Variants in NLGN1 observed in about 807,000 individuals in gnomAD.
The protein encoded by NLGN1 is neuroligin 1.
NLGN1 carries 12 observed loss-of-function variants against 65.5 expected under a neutral mutation model. That is an observed-to-expected ratio of 0.18 (90% CI 0.12 to 0.30). NLGN1 has a LOEUF of 0.30. NLGN1 is among the 10% of genes least tolerant of loss of function. The pLI is 1.00. For synonymous variants in NLGN1, 350 were observed against 359.5 expected, an observed-to-expected ratio of 0.97 and a Z score of 0.30; for missense variants, 750 against 1,007.1, an observed-to-expected ratio of 0.74 and a Z score of 3.46.
intron 4 of NLGN1, among the ~76,000 whole-genome samples, chr3:174,080,493 A>G (rs1031942278): frequency 6.6e-6 from 1 of 152,146 alleles, no homozygotes; most frequent in Non-Finnish European, 1.5e-5. Context: ...ATGTTGGCAT[A>G]CTTTTGGGGT....
At position 173,652,008 on chromosome 3, in the gene NLGN1, G is replaced by A. The variant is rs537987593; in HGVS notation, c.493+46917G>A. Among the ~76,000 whole-genome samples, 7 of 152,210 alleles carry A rather than the reference G, an allele frequency of 4.6e-5. No individual in the cohort carries two copies. In the East Asian group the frequency reaches 5.8e-4, roughly 13 times the overall value. On this transcript the variant is annotated intron_variant, in intron 3 of 6. Coordinates refer to ENST00000457714, the Ensembl canonical transcript of NLGN1. ...GGGATTTCACCATGTTGGCCAGGCC[G>A]GTTTCAAACTCCTGACATCAAGTAA...
rs530302384 is a variant in NLGN1, at chr3:173,899,774, A to G, written c.646+91942A>G. Among the ~76,000 whole-genome samples, 153 of 152,212 alleles carry G rather than the reference A, an allele frequency of 1.0e-3. 3 individuals are homozygous for G. The South Asian group carries it at 0.023, about 23-fold the overall frequency. ...GCCTATGAAGCCTGAAATATTTGCTATCTGCTGCTTTACAGTGTAAGTTTG... is the reference window on the plus strand; with the variant it reads ...GCCTATGAAGCCTGAAATATTTGCTGTCTGCTGCTTTACAGTGTAAGTTTG... On this transcript the variant is annotated intron_variant, in intron 4 of 6. Coordinates refer to ENST00000457714, the Ensembl canonical transcript of NLGN1.
At chr3:174,252,227 G>A (rs1405441787) in intron 4 of NLGN1, among the ~76,000 whole-genome samples, 1 of 151,990 alleles carries the variant, frequency 6.6e-6, no homozygotes, top group Non-Finnish European at 1.5e-5. Flanking sequence ...ACCCCTACTT[G>A]TCTAAAATAG....
chr3:174,201,116 T>C (rs1222345399), intron 4 of NLGN1, among the ~76,000 whole-genome samples: 4 of 151,902 alleles, frequency 2.6e-5, no homozygotes, highest in Non-Finnish European at 5.9e-5. Context: ...CACACACCTG[T>C]AGGCCCAGCT....
At chr3:173,730,178 T>C (rs1772535957) in intron 3 of NLGN1, among the ~76,000 whole-genome samples, 1 of 151,314 alleles carries the variant, frequency 6.6e-6, no homozygotes, top group Non-Finnish European at 1.5e-5. Context: ...TATAAATTTA[T>C]CAATTATATT....
chr3:173,943,434 A>C (rs1037146683), intron 4 of NLGN1, among the ~76,000 whole-genome samples: 1 of 152,152 alleles, frequency 6.6e-6, no homozygotes, highest in African/African-American at 2.4e-5. Flanking sequence ...TCACCTAGAA[A>C]ACAAGTGAGT....
At chr3:173,995,410 A>AG (rs1056578431) in intron 4 of NLGN1, among the ~76,000 whole-genome samples, 3 of 152,172 alleles carry the variant, frequency 2.0e-5, no homozygotes, top group Admixed American at 2.0e-4. Context: ...AGCTGCATAA[A>AG]GGGGGAGTAA....
At chr3:173,729,525 C>A (rs1467466928) in intron 3 of NLGN1, among the ~76,000 whole-genome samples, 1 of 152,014 alleles carries the variant, frequency 6.6e-6, no homozygotes, top group Non-Finnish European at 1.5e-5. Flanking sequence ...CACACTTACA[C>A]AGATTTGAAG....
intron 4 of NLGN1, among the ~76,000 whole-genome samples, chr3:173,934,812 T>A (rs574747168): frequency 6.6e-6 from 1 of 152,166 alleles, no homozygotes; most frequent in Admixed American, 6.6e-5. Context: ...GTCACTCACA[T>A]GTCACTATTT....
At chr3:173,419,834 G>A (rs1018102629) in intron 1 of NLGN1, among the ~76,000 whole-genome samples, 13 of 151,908 alleles carry the variant, frequency 8.6e-5, no homozygotes, top group Admixed American at 2.0e-4. Flanking sequence ...TTAGCTGGGC[G>A]TGGTAGTGTG....
intron 4 of NLGN1, among the ~76,000 whole-genome samples, chr3:174,002,798 C>T (rs1485245621): frequency 6.6e-6 from 1 of 152,174 alleles, no homozygotes; most frequent in East Asian, 1.9e-4. Context: ...CAGACTGGTG[C>T]TGCTCCAATT....
chr3:174,140,073 T>A (rs1370309591), intron 4 of NLGN1, among the ~76,000 whole-genome samples: 2 of 152,204 alleles, frequency 1.3e-5, no homozygotes, highest in African/African-American at 4.8e-5. Flanking sequence ...CAGATGCTTT[T>A]CTTCTGTTGA....
At chr3:173,599,254 G>A (rs1410821631) in intron 2 of NLGN1, among the ~76,000 whole-genome samples, 1 of 152,040 alleles carries the variant, frequency 6.6e-6, no homozygotes, top group Non-Finnish European at 1.5e-5. Flanking sequence ...TTGCTGAAAG[G>A]CGTCAAACAG....
chr3:174,287,583 T>C (rs1752270266), downstream of NLGN1, among the ~76,000 whole-genome samples: 1 of 151,552 alleles, frequency 6.6e-6, no homozygotes, highest in African/African-American at 2.4e-5. Context: ...TCAAATATAC[T>C]CGTGAATGTT....
intron 4 of NLGN1, among the ~76,000 whole-genome samples, chr3:173,886,280 T>C (rs1410282956): frequency 6.6e-6 from 1 of 152,106 alleles, no homozygotes; most frequent in Non-Finnish European, 1.5e-5. Flanking sequence ...TATAAGGTGA[T>C]TTGCATTATG....
intron 3 of NLGN1, among the ~76,000 whole-genome samples, chr3:173,639,869 C>G (rs144270346): frequency 0.018 from 2,800 of 152,226 alleles, 42 homozygotes; most frequent in South Asian, 0.04. Context: ...TCCTTCCTTT[C>G]TTTCTTCTCT....
chr3:173,671,135 T>G (rs1762391409), intron 3 of NLGN1, among the ~76,000 whole-genome samples: 1 of 152,184 alleles, frequency 6.6e-6, no homozygotes, highest in Admixed American at 6.5e-5. Flanking sequence ...CAAATAATAC[T>G]TTTTGCTTCC....
intron 3 of NLGN1, among the ~76,000 whole-genome samples, chr3:173,722,014 T>G (rs1770918156): frequency 1.3e-5 from 2 of 151,956 alleles, no homozygotes; most frequent in Admixed American, 6.6e-5. Context: ...ACTTCTCTAT[T>G]TCATGTGTCT....
chr3:173,912,816 C>T (rs1169515149), intron 4 of NLGN1, among the ~76,000 whole-genome samples: 1 of 151,972 alleles, frequency 6.6e-6, no homozygotes, highest in Non-Finnish European at 1.5e-5. Flanking sequence ...GTATAAAATA[C>T]ACATGTCTGA....
Sources: allele counts gnomAD v4.1 joint callset (sites outside exome capture counted in the v4.1 genomes callset), GRCh38; gene constraint gnomAD v4.1.1; transcripts MANE v1.5; gene names NCBI Gene and HGNC (gene_info 2026-07-23, HGNC 2026-07-21).